The following LRRC75A variants were observed in gnomAD, a reference collection of about 807,000 sequenced individuals.
LRRC75A encodes leucine rich repeat containing 75A, also known as leucine-rich repeat-containing protein 75A.
LRRC75A carries 12 observed loss-of-function variants against 26.0 expected under a neutral mutation model. The ratio of observed to expected loss-of-function variants is 0.46; its 90% CI spans 0.30 to 0.75. The LOEUF is 0.75. Among genes scored for constraint, LRRC75A ranks in the 30% least tolerant of loss-of-function variants. The pLI is 0.08. For synonymous variants in LRRC75A, 223 were observed against 219.3 expected (o/e 1.02, Z -0.15); for missense variants, 410 against 486.6 (o/e 0.84, Z 1.48).
intron 1 of LRRC75A, chr17:16,478,512 C>T (rs78629232): frequency 0.013 from 1,933 of 152,266 alleles, 36 homozygotes; most frequent in African/African-American, 0.044. Flanking sequence ...AGTCTAATTC[C>T]AGTCCAAAGT....
Position 16,462,353 on chromosome 17 carries a change from C to A in LRRC75A, c.280G>T (p.Val94Phe). Reference sequence around the variant, plus strand: ...CGGAAGCTGGCGTAGCGATACAGAACGTCGTCTAGCGAGGTCGACTCCATG... The same window carrying A: ...CGGAAGCTGGCGTAGCGATACAGAAAGTCGTCTAGCGAGGTCGACTCCATG... ...LGMESTSLDDVLYRYASFRNL... is the reference protein window; with the variant it reads ...LGMESTSLDDFLYRYASFRNL... The change falls in exon 2 of 4, where the codon GTT becomes TTT. Residue 94 changes from valine (V) to phenylalanine (F), a missense_variant. Physicochemically the swap from Val to Phe is conservative, Grantham distance 50. Transcript: ENST00000470794. This position sits in a 1 kb window ranked among gnomAD's most constrained non-coding sequence, Gnocchi z 4.6. The A allele has an allele frequency of 6.2e-7, 1 of 1,614,144 alleles. No individual in the cohort carries two copies.
Position 16,450,965 on chromosome 17 carries a change from G to C in LRRC75A, c.376-3005C>G, listed in dbSNP as rs151193498. ...ACAAGAAGTGGGTGAGAAGGCAGGA[G>C]GGGGGTGACCTGCTCATGTGGGGCC... is the stretch of plus-strand genomic sequence containing the variant. On this transcript the variant is annotated intron_variant, in intron 2 of 3. Coordinates refer to ENST00000470794, the MANE Select transcript of LRRC75A (RefSeq NM_001113567.3). Among the ~76,000 whole-genome samples, 134 of 152,246 alleles carry C rather than the reference G, an allele frequency of 8.8e-4. 2 individuals are homozygous for C. In the East Asian group the frequency reaches 0.024, roughly 27 times the overall value.
intron 2 of LRRC75A, among the ~76,000 whole-genome samples, chr17:16,455,965 C>T (rs1474049501): frequency 2.0e-5 from 3 of 152,078 alleles, no homozygotes; most frequent in Non-Finnish European, 4.4e-5. Context: ...TCAAAGAACC[C>T]CTCCAGGGCT....
chr17:16,462,113 C>T lies in LRRC75A; in HGVS notation c.375+145G>A. 1 of 1,006,134 alleles carries T rather than the reference C, an allele frequency of 9.9e-7. No individual in the cohort carries two copies. The highest frequency in any genetic ancestry group is 1.4e-6 in the Non-Finnish European group (1 of 699,694). The allele number at this position is 1,006,134 out of a possible 1,614,324, so 62.3% of individuals were successfully genotyped here. A position where few individuals can be genotyped will look rare whatever the true frequency, so the allele number is the denominator to read the frequency against. ...CTGTGCTAGTGGCACCAAGGGAGAG[C>T]ACCTCAAGCTCTTGGTGCCTGGAGG... is the stretch of plus-strand genomic sequence containing the variant. On this transcript the variant is annotated intron_variant, in intron 2 of 3. Transcript: ENST00000470794. This position sits in a 1 kb window ranked among gnomAD's most constrained non-coding sequence, Gnocchi z 4.6.
intron 2 of LRRC75A, among the ~76,000 whole-genome samples, chr17:16,450,324 T>C (rs529612774): frequency 7.2e-5 from 11 of 152,178 alleles, no homozygotes; most frequent in Admixed American, 5.9e-4. Context: ...CAGTTGAATG[T>C]CCAAAGGAGA....
At chr17:16,485,673 T>TGTTC (rs1568987997) in intron 1 of LRRC75A, among the ~76,000 whole-genome samples, 8 of 136,092 alleles carry the variant, frequency 5.9e-5, no homozygotes, top group African/African-American at 2.1e-4. Flanking sequence ...TGTGTGTTCG[T>TGTTC]GTGTGTGTGT....
intron 1 of LRRC75A, among the ~76,000 whole-genome samples, chr17:16,476,787 G>A (rs2093820937): frequency 7.3e-6 from 1 of 136,394 alleles, no homozygotes; most frequent in South Asian, 2.3e-4. Flanking sequence ...CACCCAGGCT[G>A]GAGTGCAGTA....
At chr17:16,456,655 G>A (rs1245683754) in intron 2 of LRRC75A, among the ~76,000 whole-genome samples, 1 of 152,136 alleles carries the variant, frequency 6.6e-6, no homozygotes, top group Non-Finnish European at 1.5e-5. Flanking sequence ...AGGGAGGCAG[G>A]GTAGAGCAGC....
At chr17:16,477,518 C>T (rs1287485248) in intron 1 of LRRC75A, among the ~76,000 whole-genome samples, 2 of 152,222 alleles carry the variant, frequency 1.3e-5, no homozygotes, top group African/African-American at 4.8e-5. Context: ...GTAGGATCCA[C>T]AACTGTGGCC....
intron 1 of LRRC75A, among the ~76,000 whole-genome samples, chr17:16,472,416 G>C (rs572673560): frequency 2.6e-5 from 4 of 152,192 alleles, no homozygotes; most frequent in Non-Finnish European, 5.9e-5. Context: ...TTTGAAGACC[G>C]GGACTGAGAC....
chr17:16,485,859 G>A (rs1357141383), intron 1 of LRRC75A, among the ~76,000 whole-genome samples: 1 of 151,850 alleles, frequency 6.6e-6, no homozygotes, highest in African/African-American at 2.4e-5. Flanking sequence ...AGAAGACCCT[G>A]GTCACTGGAT....
rs927292498 is a variant in LRRC75A, at chr17:16,489,866, C to A, written c.246+1879G>T. ...AGGGGGAAGTCTGATAAGCCCCCTCCCACCCCCCCATCAGCCCTCCCAGTC... is the reference window on the plus strand; with the variant it reads ...AGGGGGAAGTCTGATAAGCCCCCTCACACCCCCCCATCAGCCCTCCCAGTC... On this transcript the variant is annotated intron_variant, in intron 1 of 3. Coordinates refer to ENST00000470794, the MANE Select transcript of LRRC75A (RefSeq NM_001113567.3). Among the ~76,000 whole-genome samples, 8 of 152,094 alleles carry A rather than the reference C, an allele frequency of 5.3e-5. No individual in the cohort carries two copies. In the East Asian group the frequency reaches 1.6e-3, roughly 30 times the overall value.
At chr17:16,487,366 C>G (rs2093849195) in intron 1 of LRRC75A, among the ~76,000 whole-genome samples, 1 of 152,230 alleles carries the variant, frequency 6.6e-6, no homozygotes, top group Non-Finnish European at 1.5e-5. Context: ...CTTTCTGCTT[C>G]TAGGTAGTAA....
At position 16,441,775 on chromosome 17, in the gene LRRC75A, C is replaced by T; in HGVS notation, c.*1813G>A. 4.8e-6 allele frequency: 1 copy of T among 207,294 alleles called. No homozygotes were observed. Among genetic ancestry groups the T allele is most frequent in the Non-Finnish European group, 1.0e-5 (1 of 98,966 alleles). 12.8% of individuals were successfully genotyped at this position (207,294 alleles called of 1,614,324 possible). On this transcript the variant is annotated 3_prime_UTR_variant, in exon 4 of 4. Coordinates refer to ENST00000470794, the MANE Select transcript of LRRC75A (RefSeq NM_001113567.3). The stretch of plus-strand genomic sequence containing the variant: ...TTCTCTATGTTGCCCAGGCTGGTCT[C>T]AGGCTCCTGGGCTCAGATGGTCCTC...
At chr17:16,452,470 C>T (rs924579998) in intron 2 of LRRC75A, among the ~76,000 whole-genome samples, 1 of 151,580 alleles carries the variant, frequency 6.6e-6, no homozygotes, top group African/African-American at 2.4e-5. Context: ...TGGAGTCTCA[C>T]TCTGTTGCCC....
At chr17:16,485,687 T>TTCGTGTGTGTGTGTATGC (rs2093845562) in intron 1 of LRRC75A, among the ~76,000 whole-genome samples, 4 of 146,516 alleles carry the variant, frequency 2.7e-5, no homozygotes, top group Non-Finnish European at 4.5e-5. Context: ...TGTGTGTGTG[T>TTCGTGTGTGTGTGTATGC]GTGTGTATGC....
At chr17:16,451,642 TAATAAATA>T (rs200388996) in intron 2 of LRRC75A, among the ~76,000 whole-genome samples, 2 of 150,276 alleles carry the variant, frequency 1.3e-5, no homozygotes, top group Admixed American at 1.3e-4. Flanking sequence ...ATAATAATAA[TAATAAATA>T]AATAAAACAG....
intron 1 of LRRC75A, among the ~76,000 whole-genome samples, chr17:16,474,995 CAAA>C (rs551285458): frequency 1.4e-4 from 11 of 77,206 alleles, no homozygotes; most frequent in Admixed American, 1.5e-4. Flanking sequence ...GACTCCGTCT[CAAA>C]AAAAAAAAAA....
chr17:16,489,968 A>G (rs1189798256), intron 1 of LRRC75A, among the ~76,000 whole-genome samples: 3 of 151,574 alleles, frequency 2.0e-5, no homozygotes, highest in Non-Finnish European at 4.4e-5. Flanking sequence ...TGTTTCAAGG[A>G]TCCCACAGTG....
Sources: allele counts gnomAD v4.1 joint callset (sites outside exome capture counted in the v4.1 genomes callset), GRCh38; gene constraint gnomAD v4.1.1; non-coding constraint Gnocchi (gnomAD v3.1); transcripts MANE v1.5; gene names NCBI Gene and HGNC (gene_info 2026-07-23, HGNC 2026-07-21).